Variants in TANC2 observed in about 807,000 individuals in gnomAD.
TANC2 encodes protein TANC2.
In TANC2, 26 loss-of-function variants were observed where a neutral mutation model predicts 210.5. That is an observed-to-expected ratio of 0.12 (90% CI 0.09 to 0.17). The LOEUF (loss-of-function observed/expected upper bound fraction) is 0.17. Ranked by LOEUF, TANC2 falls within the 10% of genes least tolerant of loss-of-function variation. TANC2 has a pLI of 1.00. For missense variants in TANC2, 2,129 were observed against 2,608.9 expected (o/e 0.82, Z 4.01); for synonymous variants, 931 against 967.1 (o/e 0.96, Z 0.69).
In TANC2 at chr17:63,270,914, G is replaced by A. The variant is rs376578981; in HGVS notation, c.1159+3041G>A. Among the ~76,000 whole-genome samples, 98 of 152,168 alleles carry A rather than the reference G, an allele frequency of 6.4e-4. No individual in the cohort carries two copies. In the East Asian group the frequency reaches 0.013, roughly 19 times the overall value. On this transcript the variant is annotated intron_variant, in intron 9 of 27. Transcript: ENST00000689528. ...CTCCCACTTACAAGTGAGAACATGCGGCATTTGGTTTTCTGTTCCTGCATT... is the reference window on the plus strand; with the variant it reads ...CTCCCACTTACAAGTGAGAACATGCAGCATTTGGTTTTCTGTTCCTGCATT...
At chr17:62,984,089 C>T (rs542136380) in intron 1 of TANC2, among the ~76,000 whole-genome samples, 1 of 152,180 alleles carries the variant, frequency 6.6e-6, no homozygotes, top group African/African-American at 2.4e-5. Context: ...GTGATACCAT[C>T]TGGTTCTGGA....
rs191181540 is a variant in TANC2, at chr17:63,415,566, C to T, written c.4059C>T (p.Tyr1353=). Residue 1353 remains tyrosine (Y), a synonymous_variant, in exon 26 of 28, where the codon TAC becomes TAT. Transcript: ENST00000689528. ...AGGAAGCTGCCCAGCGCTACCAGTA[C>T]GCCCTGAAGAAGTTCCCTAGAGAAG... 103 of 1,613,886 alleles carry T rather than the reference C, an allele frequency of 6.4e-5. No homozygotes were observed. Among genetic ancestry groups the T allele is most frequent in the South Asian group, 1.3e-4 (12 of 91,068 alleles).
intron 9 of TANC2, among the ~76,000 whole-genome samples, chr17:63,292,921 G>A (rs74862158): frequency 5.1e-4 from 77 of 152,248 alleles, no homozygotes; most frequent in African/African-American, 1.8e-3. Flanking sequence ...GCAAACTGAG[G>A]CAGCCTGACT....
At chr17:63,374,039 T>G (rs1567963985) in intron 14 of TANC2, among the ~76,000 whole-genome samples, 3 of 143,976 alleles carry the variant, frequency 2.1e-5, no homozygotes, top group Admixed American at 6.9e-5. Flanking sequence ...TTGGTTTTTT[T>G]TTTTTTTTTT....
intron 9 of TANC2, among the ~76,000 whole-genome samples, chr17:63,307,809 A>G (rs1401987010): frequency 6.6e-6 from 1 of 152,150 alleles, no homozygotes; most frequent in Admixed American, 6.6e-5. Context: ...TCTGTTGCCC[A>G]GGCAGGAGTG....
intron 7 of TANC2, among the ~76,000 whole-genome samples, chr17:63,208,918 C>T (rs1446518365): frequency 6.6e-6 from 1 of 151,908 alleles, no homozygotes; most frequent in Non-Finnish European, 1.5e-5. Flanking sequence ...CATATACAAC[C>T]ATATTGTTTG....
chr17:63,026,129 ACT>A (rs1374527262), intron 2 of TANC2, among the ~76,000 whole-genome samples: 2 of 149,024 alleles, frequency 1.3e-5, no homozygotes, highest in African/African-American at 5.0e-5. Context: ...CAGATCTAAG[ACT>A]CTAACCCCTT....
intron 1 of TANC2, among the ~76,000 whole-genome samples, chr17:62,979,319 T>G (rs991411193): frequency 6.6e-6 from 1 of 152,172 alleles, no homozygotes; most frequent in Admixed American, 6.5e-5. Flanking sequence ...TCTCTTTTTT[T>G]GGTCTTATTC....
At chr17:63,277,281 T>C (rs543097843) in intron 9 of TANC2, among the ~76,000 whole-genome samples, 4 of 151,454 alleles carry the variant, frequency 2.6e-5, no homozygotes, top group South Asian at 2.1e-4. Flanking sequence ...TCTTCTTCTT[T>C]TTTTTTTTTT....
chr17:63,090,981 T>C (rs2037167334), intron 3 of TANC2, among the ~76,000 whole-genome samples: 2 of 152,220 alleles, frequency 1.3e-5, no homozygotes. Context: ...TTTTTTCATG[T>C]GTCTGTTGGC....
At chr17:63,032,664 C>T (rs939612660) in intron 2 of TANC2, among the ~76,000 whole-genome samples, 4 of 152,128 alleles carry the variant, frequency 2.6e-5, no homozygotes, top group Admixed American at 6.6e-5. Context: ...TTATCAAGTG[C>T]TTGCTAGAGC....
chr17:63,018,020 C>G (rs1363591790), intron 2 of TANC2, among the ~76,000 whole-genome samples: 3 of 151,906 alleles, frequency 2.0e-5, no homozygotes, highest in South Asian at 2.1e-4. Context: ...GACATGTAGT[C>G]CTAGTGAGGC....
intron 11 of TANC2, among the ~76,000 whole-genome samples, chr17:63,339,753 G>A (rs1414988878): frequency 6.6e-6 from 1 of 152,006 alleles, no homozygotes; most frequent in Non-Finnish European, 1.5e-5. Context: ...ACTGCTCCAT[G>A]CTGAATAAAT....
intron 1 of TANC2, among the ~76,000 whole-genome samples, chr17:62,969,057 G>A (rs1349588912): frequency 1.3e-5 from 2 of 151,794 alleles, no homozygotes; most frequent in Admixed American, 6.6e-5. Context: ...CTCGGTTTTT[G>A]CATCCCATGA....
At chr17:63,101,091 A>G (rs532437966) in intron 4 of TANC2, among the ~76,000 whole-genome samples, 40 of 152,344 alleles carry the variant, frequency 2.6e-4, no homozygotes, top group African/African-American at 8.9e-4. Flanking sequence ...CAAGTGAAGC[A>G]GATGATAAGA....
intron 4 of TANC2, 57 bp downstream of exon 4, chr17:63,099,414 T>G (rs1027179777): frequency 5.4e-6 from 7 of 1,299,886 alleles, no homozygotes; most frequent in African/African-American, 1.5e-5. Context: ...ATATGACACT[T>G]TAGGTCACGT....
Position 63,421,837 on chromosome 17 carries a change from C to T in TANC2, c.6107C>T (p.Thr2036Ile). The change falls in exon 28 of 28, where the codon ACT (threonine) becomes ATT (isoleucine). Residue 2036 changes from threonine to isoleucine, a missense_variant. Coordinates refer to ENST00000689528, the Ensembl canonical transcript of TANC2. This position sits in a 1 kb window ranked among gnomAD's most constrained non-coding sequence, Gnocchi z 6.9. ...TATCCCGACGTGAAGGTAGCTCGGA[C>T]TCTACCTGTGGCTCAGGCATACCAG... 6.2e-7 allele frequency: 1 copy of T among 1,614,078 alleles called. No individual in the cohort carries two copies. The highest frequency in any genetic ancestry group is 8.5e-7 in the Non-Finnish European group (1 of 1,179,910).
chr17:63,315,149 G>C (rs138440094), intron 10 of TANC2, among the ~76,000 whole-genome samples: 1 of 152,170 alleles, frequency 6.6e-6, no homozygotes. Flanking sequence ...TTGTGAAAAG[G>C]TGCTGAGCTC....
At chr17:63,202,993 G>A (rs939070805) in intron 7 of TANC2, among the ~76,000 whole-genome samples, 9 of 151,910 alleles carry the variant, frequency 5.9e-5, no homozygotes, top group African/African-American at 9.7e-5. Context: ...TTTTACCTGC[G>A]AACACTTAGG....
Sources: gnomAD v4.1 joint callset for allele counts (sites outside exome capture counted in the v4.1 genomes callset) on GRCh38, gnomAD v4.1.1 for gene constraint, Gnocchi (gnomAD v3.1) non-coding constraint, MANE v1.5 for transcripts, NCBI Gene and HGNC (gene_info 2026-07-23, HGNC 2026-07-21) for gene names.